The following FBXO41 variants were observed in gnomAD, a reference collection of about 807,000 sequenced individuals.
FBXO41 encodes F-box protein 41, also known as F-box only protein 41.
A neutral mutation model predicts 81.6 loss-of-function variants in FBXO41; 33 were observed. The ratio of observed to expected loss-of-function variants is 0.40; its 90% CI spans 0.31 to 0.54. FBXO41 has a LOEUF of 0.54. Among genes scored for constraint, FBXO41 ranks in the 20% least tolerant of loss-of-function variants. The pLI, the probability that FBXO41 is intolerant of heterozygous loss-of-function variation, is 0.39. For synonymous variants in FBXO41, 576 were observed against 552.7 expected (o/e 1.04, Z -0.59); for missense variants, 1,107 against 1,236.0 (o/e 0.90, Z 1.56).
In FBXO41 at chr2:73,266,414, G is replaced by A; in HGVS notation, c.1131+43C>T. ...CATGTGAAAGGTGAGGTTGTGGGGGGCCAGGTGTGCAGGTAGAGGAGGGAA... is the reference window on the plus strand; with the variant it reads ...CATGTGAAAGGTGAGGTTGTGGGGGACCAGGTGTGCAGGTAGAGGAGGGAA... On this transcript the variant is annotated intron_variant, in intron 3 of 12. Coordinates refer to ENST00000520530, the MANE Select transcript of FBXO41 (RefSeq NM_001371389.2). This position sits in a 1 kb window ranked among gnomAD's most constrained non-coding sequence, Gnocchi z 5.3. The A allele has an allele frequency of 2.1e-6, 3 of 1,445,196 alleles. No homozygotes were observed. Among genetic ancestry groups the A allele is most frequent in the South Asian group, 1.5e-5 (1 of 68,598 alleles). 89.5% of individuals were successfully genotyped at this position (1,445,196 alleles called of 1,614,324 possible). A position where few individuals can be genotyped will look rare whatever the true frequency, so the allele number is the denominator to read the frequency against.
Position 73,264,365 on chromosome 2 carries a change from G to C in FBXO41, c.1719C>G (p.Ala573=), listed in dbSNP as rs372626007. ...YLDTRTLLHA[A]EVCRDWRFVA... The stretch of plus-strand genomic sequence containing the variant: ...CGAAGCGCCAGTCCCGGCAGACCTC[G>C]GCAGCATGCAGCAGTGTGCGCGTGT... Residue 573 remains alanine (A), a synonymous_variant, in exon 6 of 13, where the codon GCC becomes GCG. Transcript: ENST00000520530. 150 of 1,613,766 alleles carry C rather than the reference G, an allele frequency of 9.3e-5. No individual in the cohort carries two copies. The highest frequency in any genetic ancestry group is 1.2e-4 in the Non-Finnish European group (140 of 1,179,894).
intron 9 of FBXO41, among the ~76,000 whole-genome samples, chr2:73,261,205 C>T (rs1688010972): frequency 6.6e-6 from 1 of 152,058 alleles, no homozygotes; most frequent in Admixed American, 6.6e-5. Context: ...TACAGGCATG[C>T]ACTACCATGC....
Position 73,260,781 on chromosome 2 carries a change from AC to A in FBXO41, c.2248del (p.Val750SerfsTer45). On this transcript the variant is annotated frameshift_variant, in exon 10 of 13. Transcript: ENST00000520530. LOFTEE classifies it high-confidence loss of function. The surrounding 1 kb of genome is among the most constrained non-coding windows in gnomAD (Gnocchi z 5.0). ...RCWPHLRALGVGGAGCGVQGL... is the reference protein window; with the variant it reads ...RCWPHLRALGXGGAGCGVQGL... The stretch of plus-strand genomic sequence containing the variant: ...CTGCACCCCACAGCCGGCACCCCCG[AC>A]CCCCAGGGCCCGCAGGTGGGGCCAA... 6.4e-7 allele frequency: 1 copy of A among 1,563,366 alleles called. No homozygotes were observed. The highest frequency in any genetic ancestry group is 1.2e-5 in the South Asian group (1 of 84,976).
chr2:73,265,300 T>C lies in FBXO41; in HGVS notation c.1546A>G (p.Ser516Gly). ...RPGPAMAGPL[S>G]SCRLSARPEG... ...GACCTACCTGAGAGCCGGCAGCTGCTCAATGGCCCAGCCATAGCAGGCCCG... is the reference window on the plus strand; with the variant it reads ...GACCTACCTGAGAGCCGGCAGCTGCCCAATGGCCCAGCCATAGCAGGCCCG... Residue 516 changes from serine (S) to glycine (G), a missense_variant, in exon 5 of 13, where the codon AGC (serine) becomes GGC (glycine). Ser to Gly is a moderately conservative substitution (Grantham distance 56). Around this residue, in one of 2 missense-constraint regions of FBXO41, gnomAD observed 771 missense variants for 789.2 expected, o/e 0.98. Coordinates refer to ENST00000520530, the MANE Select transcript of FBXO41 (RefSeq NM_001371389.2). The C allele has an allele frequency of 1.2e-6, 2 of 1,607,648 alleles. No individual in the cohort carries two copies. Among genetic ancestry groups the C allele is most frequent in the South Asian group, 1.1e-5 (1 of 90,836 alleles).
rs573957734 is a variant in FBXO41 at position 73,283,882 on chromosome 2, T to C, written c.-139+278A>G. On this transcript the variant is annotated intron_variant, in intron 1 of 12. Coordinates refer to ENST00000520530, the MANE Select transcript of FBXO41 (RefSeq NM_001371389.2). ...TCCAAGGTCCAGAGTCCCAGTGGGGTTCTGGAGCCCGCCCCCGCCCCAAAA... is the reference window on the plus strand; with the variant it reads ...TCCAAGGTCCAGAGTCCCAGTGGGGCTCTGGAGCCCGCCCCCGCCCCAAAA... Among the ~76,000 whole-genome samples, 5 of 151,750 alleles carry C rather than the reference T, an allele frequency of 3.3e-5. No individual in the cohort carries two copies. The South Asian group carries it at 1.0e-3, about 32-fold the overall frequency.
Position 73,266,722 on chromosome 2 carries a change from G to A in FBXO41, c.906-40C>T. ...GTCTCTTACCCCAGAGCCTCAGCCT[G>A]CCTGCCCACCCACCCTCTGGAGGAG... is the stretch of plus-strand genomic sequence containing the variant. On this transcript the variant is annotated intron_variant, in intron 2 of 12. Coordinates refer to ENST00000520530, the MANE Select transcript of FBXO41 (RefSeq NM_001371389.2). The surrounding 1 kb of genome is among the most constrained non-coding windows in gnomAD (Gnocchi z 5.3). 1 of 1,498,168 alleles carries A rather than the reference G, an allele frequency of 6.7e-7. No homozygotes were observed. The highest frequency in any genetic ancestry group is 8.9e-7 in the Non-Finnish European group (1 of 1,124,502). The allele number at this position is 1,498,168 out of a possible 1,614,324, so 92.8% of individuals were successfully genotyped here. A position where few individuals can be genotyped will look rare whatever the true frequency, so the allele number is the denominator to read the frequency against.
At position 73,284,296 on chromosome 2, in the gene FBXO41, C is replaced by A. The variant is rs1386715429; in HGVS notation, c.-275G>T. On this transcript the variant is annotated 5_prime_UTR_variant, in exon 1 of 13. Transcript: ENST00000520530. This position sits in a 1 kb window ranked among gnomAD's most constrained non-coding sequence, Gnocchi z 7.4. ...CCCCTCCGCAGCCTTGGGTGGCCGC[C>A]GCGGCTAGCGCCCCCGCCTCCCTCT... 1 of 152,040 alleles carries A rather than the reference C, an allele frequency of 6.6e-6. No homozygotes were observed. Among genetic ancestry groups the A allele is most frequent in the Non-Finnish European group, 1.5e-5 (1 of 67,994 alleles). The allele number at this position is 152,040 out of a possible 1,614,324, so 9.4% of individuals were successfully genotyped here.
chr2:73,282,595 TG>T (rs1171554181), intron 1 of FBXO41, among the ~76,000 whole-genome samples: 2 of 152,066 alleles, frequency 1.3e-5, no homozygotes, highest in Non-Finnish European at 1.5e-5. Flanking sequence ...CCCAGCTGCT[TG>T]GGAGACTGAG....
At position 73,264,468 on chromosome 2, in the gene FBXO41, G is replaced by A. The variant is rs774242101; in HGVS notation, c.1616C>T (p.Pro539Leu). The A allele has an allele frequency of 6.2e-7, 1 of 1,613,934 alleles. No homozygotes were observed. The highest frequency in any genetic ancestry group is 1.1e-5 in the South Asian group (1 of 91,084). The change falls in exon 6 of 13, where the codon CCC becomes CTC. Residue 539 changes from proline to leucine, a missense_variant. Physicochemically the swap from Pro to Leu is moderately conservative, Grantham distance 98 (BLOSUM62 -3). Coordinates refer to ENST00000520530, the MANE Select transcript of FBXO41 (RefSeq NM_001371389.2). ...GRGRRAERVS[P>L]SRSNEVISPE... ...GCTGATGACCTCATTGGAGCGTGAG[G>A]GGCTGACCCTCTCTGCTCGCCGACC...
At position 73,269,067 on chromosome 2, in the gene FBXO41, G is replaced by C. The variant is rs759301897; in HGVS notation, c.564C>G (p.Pro188=). The C allele has an allele frequency of 2.6e-6, 4 of 1,519,104 alleles. No homozygotes were observed. The South Asian group carries it at 3.7e-5, about 14-fold the overall frequency. 94.1% of individuals were successfully genotyped at this position (1,519,104 alleles called of 1,614,324 possible). A position where few individuals can be genotyped will look rare whatever the true frequency, so the allele number is the denominator to read the frequency against. The part of the protein sequence containing the change: ...GPCPGPASAS[P]ASPSPADVAY... ...CCACATCAGCGGGTGAGGGGGACGC[G>C]GGCGAAGCGGAGGCAGGCCCGGGGC... The change falls in exon 2 of 13, where the codon CCC becomes CCG. Residue 188 remains proline, a synonymous_variant. Transcript: ENST00000520530. This position sits in a 1 kb window ranked among gnomAD's most constrained non-coding sequence, Gnocchi z 7.0.
rs865871335 is a variant in FBXO41 at position 73,260,533 on chromosome 2, G to T, written c.2305C>A (p.Arg769=). The T allele has an allele frequency of 1.3e-6, 2 of 1,594,192 alleles. No homozygotes were observed. The highest frequency in any genetic ancestry group is 8.5e-7 in the Non-Finnish European group (1 of 1,170,446). ...GLASLARNCM[R]LQVLELDHVS... is the part of the protein sequence containing the mutation. Reference sequence around the variant, plus strand: ...TGGTCAAGCTCCAGGACCTGCAGCCGCATGCAGTTTCTCGCTAGGAAGAGG... The same window carrying T: ...TGGTCAAGCTCCAGGACCTGCAGCCTCATGCAGTTTCTCGCTAGGAAGAGG... The change falls in exon 11 of 13, where the codon CGG becomes AGG. Residue 769 remains arginine, a synonymous_variant. Coordinates refer to ENST00000520530, the MANE Select transcript of FBXO41 (RefSeq NM_001371389.2). The surrounding 1 kb of genome is among the most constrained non-coding windows in gnomAD (Gnocchi z 5.0).
chr2:73,259,234 G>C lies in FBXO41; in HGVS notation c.2512C>G (p.Pro838Ala), dbSNP rs1044512636. The C allele has an allele frequency of 6.2e-6, 10 of 1,614,036 alleles. No homozygotes were observed. Among genetic ancestry groups the C allele is most frequent in the Non-Finnish European group, 7.6e-6 (9 of 1,179,894 alleles). Residue 838 changes from proline (P) to alanine (A), a missense_variant, in exon 12 of 13, where the codon CCC becomes GCC. Physicochemically the swap from Pro to Ala is conservative, Grantham distance 27 (BLOSUM62 -1). Around this residue, in one of 2 missense-constraint regions of FBXO41, gnomAD observed 336 missense variants for 446.7 expected, o/e 0.75. Coordinates refer to ENST00000520530, the MANE Select transcript of FBXO41 (RefSeq NM_001371389.2). The surrounding 1 kb of genome is among the most constrained non-coding windows in gnomAD (Gnocchi z 4.2). ...QIGIADYFKE[P>A]SSPEAQKLFE... ...AGCTTCTGGGCCTCAGGGCTGCTGG[G>C]CTCTTTGAAATAATCCGCAATCCCA... is the stretch of plus-strand genomic sequence containing the variant.
chr2:73,260,223 C>T lies in FBXO41; in HGVS notation c.2449+166G>A, dbSNP rs977884672. Among the ~76,000 whole-genome samples the T allele has an allele frequency of 6.6e-6, 1 of 152,134 alleles. No individual in the cohort carries two copies. Among genetic ancestry groups the T allele is most frequent in the Non-Finnish European group, 1.5e-5 (1 of 68,006 alleles). On this transcript the variant is annotated intron_variant, in intron 11 of 12. Transcript: ENST00000520530. The surrounding 1 kb of genome is among the most constrained non-coding windows in gnomAD (Gnocchi z 5.0). Reference sequence around the variant, plus strand: ...ATAAGTAGCAGAGCCAGACCTGGGACCTAGGTCAGTCAGGCTCTAGAACCA... The same window carrying T: ...ATAAGTAGCAGAGCCAGACCTGGGATCTAGGTCAGTCAGGCTCTAGAACCA...
intron 1 of FBXO41, chr2:73,273,017 T>C (rs1688586405): frequency 6.6e-6 from 1 of 152,170 alleles, no homozygotes; most frequent in African/African-American, 2.4e-5. Context: ...TTCCTCACCA[T>C]TCAGTCAAGC....
In FBXO41 at chr2:73,269,060, G is replaced by C. The variant is rs867674601; in HGVS notation, c.571C>G (p.Pro191Ala). The C allele has an allele frequency of 6.6e-7, 1 of 1,525,636 alleles. No homozygotes were observed. Among genetic ancestry groups the C allele is most frequent in the Non-Finnish European group, 8.8e-7 (1 of 1,141,590 alleles). 94.5% of individuals were successfully genotyped at this position (1,525,636 alleles called of 1,614,324 possible). Residue 191 changes from proline to alanine, a missense_variant, in exon 2 of 13, where the codon CCC becomes GCC. Coordinates refer to ENST00000520530, the MANE Select transcript of FBXO41 (RefSeq NM_001371389.2). This position sits in a 1 kb window ranked among gnomAD's most constrained non-coding sequence, Gnocchi z 7.0. ...PGPASASPAS[P>A]SPADVAYEEG... Reference sequence around the variant, plus strand: ...TCGTAGGCCACATCAGCGGGTGAGGGGGACGCGGGCGAAGCGGAGGCAGGC... The same window carrying C: ...TCGTAGGCCACATCAGCGGGTGAGGCGGACGCGGGCGAAGCGGAGGCAGGC...
intron 1 of FBXO41, among the ~76,000 whole-genome samples, chr2:73,281,548 C>G (rs973261496): frequency 6.6e-6 from 1 of 152,242 alleles, no homozygotes; most frequent in Non-Finnish European, 1.5e-5. Flanking sequence ...TAACTTAGGA[C>G]TTGTCCTCTT....
At chr2:73,275,815 T>C (rs1420661395) in intron 1 of FBXO41, among the ~76,000 whole-genome samples, 3 of 152,036 alleles carry the variant, frequency 2.0e-5, no homozygotes, top group African/African-American at 7.2e-5. Flanking sequence ...TGGACAGAGT[T>C]TCGCTGTGTC....
chr2:73,283,655 C>G (rs566835861), intron 1 of FBXO41, among the ~76,000 whole-genome samples: 2 of 152,344 alleles, frequency 1.3e-5, no homozygotes, highest in African/African-American at 4.8e-5. Flanking sequence ...AGTACAGGCA[C>G]TGGATGTGAA....
At chr2:73,281,594 G>A (rs1162247778) in intron 1 of FBXO41, among the ~76,000 whole-genome samples, 1 of 152,234 alleles carries the variant, frequency 6.6e-6, no homozygotes, top group Non-Finnish European at 1.5e-5. Flanking sequence ...TGCCACATAA[G>A]AAACTTGGGC....
Sources: allele counts gnomAD v4.1 joint callset (sites outside exome capture counted in the v4.1 genomes callset), GRCh38; gene constraint gnomAD v4.1.1; regional missense constraint gnomAD v4.1.1; non-coding constraint Gnocchi (gnomAD v3.1); transcripts MANE v1.5; gene names NCBI Gene and HGNC (gene_info 2026-07-23, HGNC 2026-07-21).